Variants in DDO observed in about 807,000 individuals in gnomAD.
DDO encodes the protein D-aspartate oxidase, DDO.
Under a neutral mutation model 16.8 loss-of-function variants are expected in DDO, and 16 were observed. That is an observed-to-expected ratio of 0.95 (90% CI 0.65 to 1.45). DDO has a LOEUF of 1.45. Ranked by LOEUF, DDO falls within the 40% of genes most tolerant of loss-of-function variation. The probability of loss-of-function intolerance (pLI) is 0.00; values close to 1 mark genes in which losing one functional copy is unlikely to be tolerated. For missense variants in DDO, 429 were observed against 420.3 expected (o/e 1.02, Z -0.18); for synonymous variants, 180 against 167.2 (o/e 1.08, Z -0.59).
At chr6:110,391,442 C>T (rs760831498), downstream of DDO, among the ~76,000 whole-genome samples, 6 of 151,288 alleles carry the variant, frequency 4.0e-5, no homozygotes, top group South Asian at 2.1e-4. Context: ...CTCCGTCTCC[C>T]GGGTTCAAGT....
chr6:110,389,896 G>A (rs1773071922), downstream of DDO, among the ~76,000 whole-genome samples: 1 of 152,196 alleles, frequency 6.6e-6, no homozygotes, highest in Non-Finnish European at 1.5e-5. Context: ...TGTAGATAAG[G>A]GAATTGGTTT....
intron 1 of DDO, among the ~76,000 whole-genome samples, chr6:110,415,105 G>T (rs1051147362): frequency 3.3e-5 from 5 of 152,226 alleles, no homozygotes; most frequent in African/African-American, 1.2e-4. Context: ...AGCTGAGAGA[G>T]AGTGGGCCTG....
At chr6:110,414,702 T>C (rs1478550623) in intron 1 of DDO, among the ~76,000 whole-genome samples, 4 of 152,270 alleles carry the variant, frequency 2.6e-5, no homozygotes, top group Non-Finnish European at 5.9e-5. Flanking sequence ...CAGTTGGTCA[T>C]TGCATCCCCT....
intron 4 of DDO, among the ~76,000 whole-genome samples, chr6:110,403,865 G>A (rs1382762114): frequency 6.6e-6 from 1 of 152,134 alleles, no homozygotes; most frequent in African/African-American, 2.4e-5. Context: ...TTTTTTACCA[G>A]CTTCTAGCAT....
At chr6:110,414,328 G>A (rs1383916049) in intron 1 of DDO, among the ~76,000 whole-genome samples, 1 of 152,246 alleles carries the variant, frequency 6.6e-6, no homozygotes, top group African/African-American at 2.4e-5. Flanking sequence ...GTCCTGGACA[G>A]GTTCTGTAAC....
chr6:110,398,398 A>ACACC (rs763717187), intron 4 of DDO, among the ~76,000 whole-genome samples: 4 of 74,810 alleles, frequency 5.3e-5, no homozygotes, highest in East Asian at 1.1e-3. Context: ...ACACACACAC[A>ACACC]CACACACACA....
chr6:110,395,002 G>C (rs1773246294), intron 4 of DDO, among the ~76,000 whole-genome samples: 1 of 152,310 alleles, frequency 6.6e-6, no homozygotes, highest in South Asian at 2.1e-4. Context: ...CTGGAAGTAA[G>C]TGTTAGCCAA....
intron 1 of DDO, among the ~76,000 whole-genome samples, chr6:110,414,497 G>T (rs1318232227): frequency 6.6e-6 from 1 of 152,252 alleles, no homozygotes; most frequent in Non-Finnish European, 1.5e-5. Context: ...GCAGGGGACA[G>T]ACATCCCGGA....
At chr6:110,398,416 A>ACT (rs1562260028) in intron 4 of DDO, among the ~76,000 whole-genome samples, 3 of 140,512 alleles carry the variant, frequency 2.1e-5, no homozygotes, top group African/African-American at 9.6e-5. Context: ...ACACACACAC[A>ACT]CACACACACA....
At chr6:110,394,955 TC>T (rs1211194037) in intron 4 of DDO, among the ~76,000 whole-genome samples, 1 of 152,168 alleles carries the variant, frequency 6.6e-6, no homozygotes, top group East Asian at 1.9e-4. Flanking sequence ...TTTCTTACCA[TC>T]CCTATGACCT....
chr6:110,408,327 C>T lies in DDO; in HGVS notation c.281+7G>A, dbSNP rs942833712. On this transcript the variant is annotated splice_region_variant and intron_variant, in intron 3 of 4. Coordinates refer to ENST00000368924, the MANE Select transcript of DDO (RefSeq NM_001372108.2). ...ACTCTAAAATAACTTCAAATTTCTT[C>T]ACTTACCCTGATACCAAATGAACAC... The T allele has an allele frequency of 1.2e-6, 2 of 1,612,820 alleles. No individual in the cohort carries two copies. The highest frequency in any genetic ancestry group is 1.6e-4 in the Middle Eastern group (1 of 6,078).
intron 2 of DDO, among the ~76,000 whole-genome samples, chr6:110,411,544 AAG>A (rs1773858866): frequency 6.6e-6 from 1 of 152,202 alleles, no homozygotes; most frequent in Non-Finnish European, 1.5e-5. Flanking sequence ...GAGAACAAAA[AAG>A]AGCTTTGGAA....
intron 2 of DDO, 103 bp downstream of exon 2, chr6:110,413,187 AT>A: frequency 7.5e-7 from 1 of 1,332,798 alleles, no homozygotes; most frequent in East Asian, 2.4e-5. Flanking sequence ...AAACCTGCAT[AT>A]TACACTTACA....
At chr6:110,388,470 G>T (rs1773050954), downstream of DDO, among the ~76,000 whole-genome samples, 2 of 152,076 alleles carry the variant, frequency 1.3e-5, no homozygotes, top group South Asian at 4.1e-4. Context: ...AGAAAAACCG[G>T]TTCAAATATC....
chr6:110,410,816 G>A (rs1773830257), intron 2 of DDO, among the ~76,000 whole-genome samples: 1 of 152,086 alleles, frequency 6.6e-6, no homozygotes, highest in African/African-American at 2.4e-5. Flanking sequence ...TATATCAGCT[G>A]GCATCTGGTG....
At position 110,393,266 on chromosome 6, in the gene DDO, C is replaced by T. The variant is rs143874775; in HGVS notation, c.535G>A (p.Val179Met). 46 of 1,614,018 alleles carry T rather than the reference C, an allele frequency of 2.9e-5. No individual in the cohort carries two copies. The African/African-American group carries it at 4.1e-4, about 14-fold the overall frequency. The change falls in exon 5 of 5, where the codon GTG becomes ATG. Residue 179 changes from valine to methionine, a missense_variant. By Grantham distance (21) the Val-to-Met change is conservative. Coordinates refer to ENST00000368924, the MANE Select transcript of DDO (RefSeq NM_001372108.2). ...LWELHPSFDI[V>M]VNCSGLGSRQ... ...CTTCCAAGGCCTGAACAGTTGACCA[C>T]GATGTCAAAGGACGGATGAAGTTCC...
intron 1 of DDO, 65 bp from the exon 2 acceptor site, chr6:110,413,531 G>A: frequency 6.4e-7 from 1 of 1,556,024 alleles, no homozygotes; most frequent in Non-Finnish European, 8.7e-7. Flanking sequence ...GACAAAGTTT[G>A]GTCTTGACAG....
rs780460799 is a variant in DDO, at chr6:110,393,368, A to G, written c.459-26T>C. 2.6e-6 allele frequency: 4 copies of G among 1,545,366 alleles called. No individual in the cohort carries two copies. The Admixed American group carries it at 7.9e-5, about 31-fold the overall frequency. On this transcript the variant is annotated intron_variant, in intron 4 of 4. Transcript: ENST00000368924. ...CTACGGAAGAGAGGCCATGAAGTGA[A>G]TATTTGTTAGCGACCTGATCAACTA...
At chr6:110,391,238 CT>C (rs1773092795), downstream of DDO, among the ~76,000 whole-genome samples, 1 of 152,148 alleles carries the variant, frequency 6.6e-6, no homozygotes, top group Non-Finnish European at 1.5e-5. Context: ...CTTTCCCACA[CT>C]TTCATTGGCA....
Sources: allele counts gnomAD v4.1 joint callset (sites outside exome capture counted in the v4.1 genomes callset), GRCh38; gene constraint gnomAD v4.1.1; transcripts MANE v1.5; gene names NCBI Gene and HGNC (gene_info 2026-07-23, HGNC 2026-07-21).